MUC4: variants seen among roughly 807,000 people sequenced by gnomAD.
The protein encoded by MUC4 is mucin 4, cell surface associated, also known as mucin-4.
In MUC4, 202 loss-of-function variants were observed where a neutral mutation model predicts 257.9. The observed-to-expected ratio is 0.78, with a 90% CI of 0.70 to 0.88. MUC4 has a LOEUF of 0.88. Among genes scored for constraint, MUC4 ranks in the 40% least tolerant of loss-of-function variants. The pLI, the probability that MUC4 is intolerant of heterozygous loss-of-function variation, is 0.00. For missense variants in MUC4, 5,976 were observed against 6,513.7 expected (o/e 0.92, Z 2.84); for synonymous variants, 2,351 against 2,757.1 (o/e 0.85, Z 4.62).
chr3:195,765,090 T>C lies in MUC4; in HGVS notation c.13831A>G (p.Ser4611Gly). 2.5e-6 allele frequency: 4 copies of C among 1,613,674 alleles called. No homozygotes were observed. Among genetic ancestry groups the C allele is most frequent in the Non-Finnish European group, 3.4e-6 (4 of 1,179,844 alleles). The change falls in exon 10 of 25, where the codon AGC becomes GGC. Residue 4611 changes from serine to glycine, a missense_variant. Coordinates refer to ENST00000463781, the MANE Select transcript of MUC4 (RefSeq NM_018406.7). ...RWGLGSRQLCSFTSWRGGVCC... is the reference protein window; with the variant it reads ...RWGLGSRQLCGFTSWRGGVCC... ...ACGCCTCCTCGCCAAGAGGTGAAGC[T>C]GCACAGCTGCCTACTGCCGAGGCCC...
At chr3:195,756,855 G>T (rs1179754612) in intron 18 of MUC4, among the ~76,000 whole-genome samples, 1 of 152,080 alleles carries the variant, frequency 6.6e-6, no homozygotes, top group African/African-American at 2.4e-5. Context: ...TAGAGATGGG[G>T]TTTCACCATG....
At position 195,746,940 on chromosome 3, in the gene MUC4, G is replaced by A; in HGVS notation, c.*236C>T. 1.6e-6 allele frequency: 1 copy of A among 621,702 alleles called. No homozygotes were observed. The highest frequency in any genetic ancestry group is 2.0e-5 in the South Asian group (1 of 49,708). The allele number at this position is 621,702 out of a possible 1,614,324, so 38.5% of individuals were successfully genotyped here. ...CGTGCACAGGCTAGTGTCCTTCTGT[G>A]GGTGTGTCTGCGTGAGGACCCATCC... On this transcript the variant is annotated 3_prime_UTR_variant, in exon 25 of 25. Transcript: ENST00000463781.
At position 195,778,855 on chromosome 3, in the gene MUC4, G is replaced by C. The variant is rs369989204; in HGVS notation, c.12725C>G (p.Ala4242Gly). Residue 4242 changes from alanine to glycine, a missense_variant, in exon 2 of 25, where the codon GCT becomes GGT. Coordinates refer to ENST00000463781, the MANE Select transcript of MUC4 (RefSeq NM_018406.7). ...SVSTGHATPL[A>G]VSSATSASTV... ...GGAAGCTGAGGTAGCACTGCTGACA[G>C]CAAGAGGGGTGGCGTGACCTGTGGA... The C allele has an allele frequency of 1.6e-5, 26 of 1,610,378 alleles. No individual in the cohort carries two copies. Among genetic ancestry groups the C allele is most frequent in the Non-Finnish European group, 2.1e-5 (25 of 1,178,978 alleles).
At chr3:195,760,405 C>A (rs536344153) in intron 16 of MUC4, among the ~76,000 whole-genome samples, 1 of 149,470 alleles carries the variant, frequency 6.7e-6, no homozygotes, top group South Asian at 2.1e-4. Flanking sequence ...GGGAGCTGAG[C>A]GCACCTAGCG....
At chr3:195,778,578 A>G in intron 2 of MUC4, 123 bp from the exon 3 acceptor site, 9 of 1,369,750 alleles carry the variant, frequency 6.6e-6, no homozygotes, top group African/African-American at 1.5e-5. Flanking sequence ...TCCCCTGCTC[A>G]TATCCAAACT....
In MUC4 at chr3:195,789,928, T is replaced by C; in HGVS notation, c.1652A>G (p.His551Arg). 6.2e-7 allele frequency: 1 copy of C among 1,613,952 alleles called. No homozygotes were observed. The highest frequency in any genetic ancestry group is 8.5e-7 in the Non-Finnish European group (1 of 1,179,866). ...TGTTGTTTTTGGGAGAGTTGTGCTGTGGGAGGAGTATGTGGTGGGCTCTCC... is the reference window on the plus strand; with the variant it reads ...TGTTGTTTTTGGGAGAGTTGTGCTGCGGGAGGAGTATGTGGTGGGCTCTCC... ...EPGEPTTYSS[H>R]STTLPKTTGA... Residue 551 changes from histidine (H) to arginine (R), a missense_variant, in exon 2 of 25, where the codon CAC becomes CGC. Coordinates refer to ENST00000463781, the MANE Select transcript of MUC4 (RefSeq NM_018406.7).
chr3:195,754,309 A>C lies in MUC4; in HGVS notation c.15232T>G (p.Cys5078Gly). ...GRYCEGSEDA[C>G]EEPCFPSVHC... is the part of the protein sequence containing the mutation. ...ACACTCGGGAAGCACGGCTCCTCAC[A>C]GGCATCCTCGGAGCCCTCGCAGTAG... The change falls in exon 19 of 25, where the codon TGT (cysteine) becomes GGT (glycine). Residue 5078 changes from cysteine (C) to glycine (G), a missense_variant. Transcript: ENST00000463781. 6.2e-7 allele frequency: 1 copy of C among 1,613,476 alleles called. No homozygotes were observed.
chr3:195,767,651 C>CCATCATCACCACCAT (rs1560262999), intron 7 of MUC4, among the ~76,000 whole-genome samples: 1 of 93,774 alleles, frequency 1.1e-5, no homozygotes, highest in Non-Finnish European at 1.9e-5. Context: ...ATCGCCACCA[C>CCATCATCACCACCAT]CACCACCACC....
chr3:195,811,632 CT>C, intron 1 of MUC4, 103 bp downstream of exon 1: 2 of 195,400 alleles, frequency 1.0e-5, no homozygotes, highest in Non-Finnish European at 1.9e-5. Context: ...TTCCCCTATT[CT>C]CTCTCTCTCT....
chr3:195,752,393 T>C lies in MUC4; in HGVS notation c.15562A>G (p.Met5188Val). The C allele has an allele frequency of 1.2e-6, 2 of 1,614,022 alleles. No homozygotes were observed. Among genetic ancestry groups the C allele is most frequent in the Non-Finnish European group, 1.7e-6 (2 of 1,179,832 alleles). Residue 5188 changes from methionine (M) to valine (V), a missense_variant, in exon 21 of 25, where the codon ATG (methionine) becomes GTG (valine). Around this residue, in one of 44 missense-constraint regions of MUC4, gnomAD observed 996 missense variants for 1,137.3 expected, o/e 0.88. Coordinates refer to ENST00000463781, the MANE Select transcript of MUC4 (RefSeq NM_018406.7). ...LLLSEEENAS[M>V]AEVNASVAYR... ...CTGACCGAGGCGTTGACTTCTGCCA[T>C]GGAGGCATTTTCCTCTTCACTGAGC...
chr3:195,747,059 A>G lies in MUC4; in HGVS notation c.*117T>C, dbSNP rs1715170034. On this transcript the variant is annotated 3_prime_UTR_variant, in exon 25 of 25. Transcript: ENST00000463781. ...GATTCCCAGTATTCATTCTCCTTGA[A>G]GAATCCTGACAGCCTTCAGTCACCT... is the stretch of plus-strand genomic sequence containing the variant. 12 of 1,361,944 alleles carry G rather than the reference A, an allele frequency of 8.8e-6. No individual in the cohort carries two copies. Among genetic ancestry groups the G allele is most frequent in the South Asian group, 7.6e-5 (6 of 78,496 alleles). The allele number at this position is 1,361,944 out of a possible 1,614,324, so 84.4% of individuals were successfully genotyped here.
rs1247188801 is a variant in MUC4 at position 195,782,982 on chromosome 3, A to G, written c.8598T>C (p.Pro2866=). Residue 2866 remains proline (P), a synonymous_variant, in exon 2 of 25, where the codon CCT becomes CCC. Transcript: ENST00000463781. ...SVSTGHATSL[P]VTDASSVSTG... Reference sequence around the variant, plus strand: ...TGGACACTGAGGAAGCGTCGGTGACAGGAAGAGAGGTGGCGTGACCTGTGG... The same window carrying G: ...TGGACACTGAGGAAGCGTCGGTGACGGGAAGAGAGGTGGCGTGACCTGTGG... 8.5e-7 allele frequency: 1 copy of G among 1,176,372 alleles called. No individual in the cohort carries two copies. The highest frequency in any genetic ancestry group is 2.5e-5 in the Admixed American group (1 of 39,614). The allele number at this position is 1,176,372 out of a possible 1,614,324, so 72.9% of individuals were successfully genotyped here.
chr3:195,767,585 TCACCACCACCACCA>T (rs1721176238), intron 7 of MUC4, among the ~76,000 whole-genome samples: 1 of 58,742 alleles, frequency 1.7e-5, no homozygotes. Flanking sequence ...ACCACCACCA[TCACCACCACCACCA>T]TCATCACCAT....
In MUC4 at chr3:195,779,192, G is replaced by T. The variant is rs544126797; in HGVS notation, c.12388C>A (p.Pro4130Thr). ...GATACTGAGGAAAGGCTGGTGACAG[G>T]AAGAGGGGTGGCCTGACCTGTGGAT... ...SASTGQATPL[P>T]VTSLSSVSTG... The change falls in exon 2 of 25, where the codon CCT becomes ACT. Residue 4130 changes from proline to threonine, a missense_variant. This residue lies in a region of MUC4 where 293 missense variants were observed against 294.5 expected (regional missense o/e 1.00). Transcript: ENST00000463781. 4 of 1,375,634 alleles carry T rather than the reference G, an allele frequency of 2.9e-6. No individual in the cohort carries two copies. In the African/African-American group the frequency reaches 8.0e-5, roughly 27 times the overall value. The allele number at this position is 1,375,634 out of a possible 1,614,324, so 85.2% of individuals were successfully genotyped here. A position where few individuals can be genotyped will look rare whatever the true frequency, so the allele number is the denominator to read the frequency against.
intron 1 of MUC4, among the ~76,000 whole-genome samples, chr3:195,792,351 A>G (rs1294220728): frequency 2.0e-5 from 3 of 152,268 alleles, no homozygotes. Context: ...AAAAGAAGAC[A>G]TTTATGCCAC....
Position 195,748,937 on chromosome 3 carries a change from G to A in MUC4, c.15999C>T (p.Gly5333=), listed in dbSNP as rs762201247. ...GCCCACTGGGCAGGTGCTGGCACTGGCCTCCATGGTCACAGTAGCCCCTAC... is the reference window on the plus strand; with the variant it reads ...GCCCACTGGGCAGGTGCTGGCACTGACCTCCATGGTCACAGTAGCCCCTAC... ...PCSRGYCDHG[G]QCQHLPSGPR... Residue 5333 remains glycine (G), a synonymous_variant, in exon 24 of 25, where the codon GGC becomes GGT. Coordinates refer to ENST00000463781, the MANE Select transcript of MUC4 (RefSeq NM_018406.7). 3 of 1,597,424 alleles carry A rather than the reference G, an allele frequency of 1.9e-6. No individual in the cohort carries two copies. In the Admixed American group the frequency reaches 5.2e-5, roughly 27 times the overall value.
chr3:195,797,946 A>G (rs1734762469), intron 1 of MUC4, among the ~76,000 whole-genome samples: 2 of 152,072 alleles, frequency 1.3e-5, no homozygotes, highest in South Asian at 4.1e-4. Context: ...TCTCTACAGA[A>G]ATAAAAAATA....
At chr3:195,756,656 C>A (rs1243567800) in intron 18 of MUC4, among the ~76,000 whole-genome samples, 3 of 125,898 alleles carry the variant, frequency 2.4e-5, no homozygotes, top group Non-Finnish European at 5.1e-5. Context: ...CTTTTCTTTT[C>A]TTTTCTTTTC....
rs1715779565 is a variant in MUC4 at position 195,749,035 on chromosome 3, T to C, written c.15901A>G (p.Arg5301Gly). 6.2e-7 allele frequency: 1 copy of C among 1,606,136 alleles called. No individual in the cohort carries two copies. The highest frequency in any genetic ancestry group is 1.3e-5 in the African/African-American group (1 of 74,644). ...LNVSTLKAYF[R>G]CDGYKGYDLV... ...TCGTAGCCCTTGTAGCCATCGCATC[T>C]GAAGTAAGCCTTCAGCGTGCTCACG... The change falls in exon 24 of 25, where the codon AGA becomes GGA. Residue 5301 changes from arginine (R) to glycine (G), a missense_variant. Transcript: ENST00000463781.
Sources: gnomAD v4.1 joint callset for allele counts (sites outside exome capture counted in the v4.1 genomes callset) on GRCh38, gnomAD v4.1.1 for gene constraint, gnomAD v4.1.1 regional missense constraint, MANE v1.5 for transcripts, NCBI Gene and HGNC (gene_info 2026-07-23, HGNC 2026-07-21) for gene names.